Variants in MACROH2A1 observed in about 807,000 individuals in gnomAD.
MACROH2A1 encodes the protein core histone macro-H2A.1.
A neutral mutation model predicts 31.6 loss-of-function variants in MACROH2A1; 2 were observed. The ratio of observed to expected loss-of-function variants is 0.06; its 90% CI spans 0.03 to 0.20. MACROH2A1 has a LOEUF of 0.20. Ranked by LOEUF, MACROH2A1 falls within the 10% of genes least tolerant of loss-of-function variation. MACROH2A1 has a pLI of 1.00. For missense variants in MACROH2A1, 230 were observed against 474.0 expected (o/e 0.49, Z 4.78); for synonymous variants, 169 against 189.6 (o/e 0.89, Z 0.89).
chr5:135,341,822 T>A (rs1581134772), intron 8 of MACROH2A1, among the ~76,000 whole-genome samples: 2 of 152,240 alleles, frequency 1.3e-5, no homozygotes. Context: ...GACATGGTTC[T>A]GAGGACTGTT....
chr5:135,350,715 G>T, intron 6 of MACROH2A1: 1 of 686,226 alleles, frequency 1.5e-6, no homozygotes. Context: ...AGGACAGCTG[G>T]AAGTGTGAAA....
intron 4 of MACROH2A1, among the ~76,000 whole-genome samples, chr5:135,368,217 T>C (rs1439904831): frequency 1.3e-5 from 2 of 152,126 alleles, no homozygotes; most frequent in African/African-American, 4.8e-5. Flanking sequence ...AAGGTTGGGG[T>C]TCACAGAAGA....
At chr5:135,386,653 C>A (rs1490963544) in intron 2 of MACROH2A1, among the ~76,000 whole-genome samples, 1 of 152,190 alleles carries the variant, frequency 6.6e-6, no homozygotes, top group Non-Finnish European at 1.5e-5. Flanking sequence ...GTCAACGTCT[C>A]TAGCCCCCAT....
intron 2 of MACROH2A1, among the ~76,000 whole-genome samples, chr5:135,388,625 T>C (rs1474490486): frequency 1.3e-5 from 2 of 152,134 alleles, no homozygotes; most frequent in African/African-American, 2.4e-5. Context: ...AATTATAAAG[T>C]ACATTATTGG....
intron 4 of MACROH2A1, among the ~76,000 whole-genome samples, chr5:135,366,586 A>ATTTT (rs1396632403): frequency 6.6e-6 from 1 of 152,028 alleles, no homozygotes; most frequent in African/African-American, 2.4e-5. Context: ...TTTATTTAAA[A>ATTTT]AAAAAAAAAA....
intron 2 of MACROH2A1, among the ~76,000 whole-genome samples, chr5:135,387,344 T>G (rs192951356): frequency 1.4e-4 from 21 of 152,342 alleles, no homozygotes; most frequent in African/African-American, 4.3e-4. Flanking sequence ...ACTATTACTT[T>G]TCATGCCCAG....
At chr5:135,388,416 G>A (rs1019957850) in intron 2 of MACROH2A1, among the ~76,000 whole-genome samples, 11 of 152,178 alleles carry the variant, frequency 7.2e-5, no homozygotes, top group African/African-American at 2.4e-4. Flanking sequence ...TGCTCATCCT[G>A]AATCTAATCC....
At chr5:135,355,992 A>C (rs966682135) in intron 5 of MACROH2A1, 1 of 152,240 alleles carries the variant, frequency 6.6e-6, no homozygotes, top group South Asian at 2.1e-4. Context: ...AACTGTAAAA[A>C]TTCCCAAAAT....
intron 2 of MACROH2A1, among the ~76,000 whole-genome samples, chr5:135,377,295 C>T (rs1765007384): frequency 6.6e-6 from 1 of 152,220 alleles, no homozygotes; most frequent in Admixed American, 6.5e-5. Context: ...CACTTGCTGT[C>T]AAGGACTCTC....
At chr5:135,383,925 G>A (rs1766039388) in intron 2 of MACROH2A1, among the ~76,000 whole-genome samples, 1 of 152,118 alleles carries the variant, frequency 6.6e-6, no homozygotes, top group Non-Finnish European at 1.5e-5. Context: ...AAGGATGTGG[G>A]AGCTCCTAGA....
At chr5:135,385,336 C>T (rs974045013) in intron 2 of MACROH2A1, among the ~76,000 whole-genome samples, 5 of 152,240 alleles carry the variant, frequency 3.3e-5, no homozygotes, top group African/African-American at 1.2e-4. Flanking sequence ...AGTCCTGTCT[C>T]CCCCCTTGCA....
chr5:135,359,555 G>C (rs1331859159), intron 5 of MACROH2A1: 1 of 983,384 alleles, frequency 1.0e-6, no homozygotes, highest in African/African-American at 1.7e-5. Context: ...ATGAGAGAGA[G>C]TGCAATTAGT....
In MACROH2A1 at chr5:135,369,209, A is replaced by C. The variant is rs1763885392; in HGVS notation, c.477+197T>G. Among the ~76,000 whole-genome samples, 1 of 151,990 alleles carries C rather than the reference A, an allele frequency of 6.6e-6. No individual in the cohort carries two copies. The highest frequency in any genetic ancestry group is 1.5e-5 in the Non-Finnish European group (1 of 67,978). ...GGTTCTGTCCTTCAACTGGGTCCAG[A>C]CTCTGGGAGGGCCTCCTGACTCTGG... is the stretch of plus-strand genomic sequence containing the variant. On this transcript the variant is annotated intron_variant, in intron 4 of 8. Coordinates refer to ENST00000511689, the MANE Select transcript of MACROH2A1 (RefSeq NM_138610.3). This position sits in a 1 kb window ranked among gnomAD's most constrained non-coding sequence, Gnocchi z 4.3.
At chr5:135,353,354 G>A (rs1761807051) in intron 5 of MACROH2A1, 2 of 338,294 alleles carry the variant, frequency 5.9e-6, no homozygotes, top group Non-Finnish European at 1.1e-5. Context: ...GGGGGCCAAA[G>A]TAAGGCAGCT....
chr5:135,358,015 G>A, intron 5 of MACROH2A1: 1 of 984,736 alleles, frequency 1.0e-6, no homozygotes, highest in Non-Finnish European at 1.2e-6. Flanking sequence ...ATAGGACACA[G>A]GGTACCATAT....
chr5:135,388,073 A>C (rs1263372922), intron 2 of MACROH2A1, among the ~76,000 whole-genome samples: 1 of 151,690 alleles, frequency 6.6e-6, no homozygotes, highest in African/African-American at 2.4e-5. Context: ...AAACAGAGGA[A>C]GGGCACAGGG....
At chr5:135,379,492 G>A (rs1403534940) in intron 2 of MACROH2A1, among the ~76,000 whole-genome samples, 1 of 152,196 alleles carries the variant, frequency 6.6e-6, no homozygotes, top group Non-Finnish European at 1.5e-5. Context: ...GGTGGGAAGA[G>A]ACGGAGGCTG....
At chr5:135,358,351 CATGGAGT>C (rs1294388775) in intron 5 of MACROH2A1, 1 of 985,270 alleles carries the variant, frequency 1.0e-6, no homozygotes, top group Non-Finnish European at 1.2e-6. Flanking sequence ...ATTTTGGAAA[CATGGAGT>C]TTATTCTGCT....
chr5:135,389,152 C>A, intron 1 of MACROH2A1, 26 bp from the exon 2 acceptor site: 3 of 1,553,512 alleles, frequency 1.9e-6, no homozygotes, highest in South Asian at 2.3e-5. Flanking sequence ...GCACACCGGT[C>A]AGGGTGGCTG....
Sources: allele counts gnomAD v4.1 joint callset (sites outside exome capture counted in the v4.1 genomes callset), GRCh38; gene constraint gnomAD v4.1.1; non-coding constraint Gnocchi (gnomAD v3.1); transcripts MANE v1.5; gene names NCBI Gene and HGNC (gene_info 2026-07-23, HGNC 2026-07-21).